Variants in NECAB1 observed in about 807,000 individuals in gnomAD.
NECAB1 encodes N-terminal EF-hand calcium binding protein 1.
Under a neutral mutation model 57.5 loss-of-function variants are expected in NECAB1, and 29 were observed. The ratio of observed to expected loss-of-function variants is 0.50; its 90% CI spans 0.38 to 0.69. The LOEUF (loss-of-function observed/expected upper bound fraction) is 0.69. Ranked by LOEUF, NECAB1 falls within the 30% of genes least tolerant of loss-of-function variation. The pLI is 0.00. For synonymous variants in NECAB1, 142 were observed against 147.7 expected (o/e 0.96, Z 0.28); for missense variants, 372 against 413.8 (o/e 0.90, Z 0.88).
chr8:90,955,376 A>G, intron 12 of NECAB1, 111 bp from the exon 13 acceptor site: 1 of 725,324 alleles, frequency 1.4e-6, no homozygotes, highest in South Asian at 2.0e-5. Flanking sequence ...ATAAGTTATT[A>G]TGCAGACTAA....
At chr8:90,899,251 G>A (rs117568978) in intron 5 of NECAB1, among the ~76,000 whole-genome samples, 278 of 152,254 alleles carry the variant, frequency 1.8e-3, no homozygotes, top group Admixed American at 2.8e-3. Context: ...GCTGGAGATG[G>A]GTAGTTAAGC....
intron 3 of NECAB1, among the ~76,000 whole-genome samples, chr8:90,834,404 C>T (rs1812337634): frequency 6.6e-6 from 1 of 152,058 alleles, no homozygotes; most frequent in South Asian, 2.1e-4. Flanking sequence ...ATGACTAGGT[C>T]ATAAGGATTC....
chr8:90,822,566 A>C (rs1812159118), intron 2 of NECAB1, among the ~76,000 whole-genome samples: 2 of 151,832 alleles, frequency 1.3e-5, no homozygotes, highest in South Asian at 4.1e-4. Context: ...AAAGTCTTTT[A>C]GCCCCAGAGA....
At chr8:90,901,384 A>G (rs1809499985) in intron 5 of NECAB1, among the ~76,000 whole-genome samples, 1 of 152,180 alleles carries the variant, frequency 6.6e-6, no homozygotes, top group African/African-American at 2.4e-5. Context: ...GCACAGTTTT[A>G]TAATCAAGAG....
intron 5 of NECAB1, among the ~76,000 whole-genome samples, chr8:90,888,764 G>A (rs1809075965): frequency 6.6e-6 from 1 of 152,122 alleles, no homozygotes; most frequent in African/African-American, 2.4e-5. Context: ...GCTTCCCCTT[G>A]GCTGCAGGAC....
intron 1 of NECAB1, among the ~76,000 whole-genome samples, chr8:90,797,069 C>G (rs1362472062): frequency 6.6e-6 from 1 of 152,184 alleles, no homozygotes; most frequent in Admixed American, 6.5e-5. Flanking sequence ...TCATGTCTCC[C>G]TGACTCTCAG....
At chr8:90,852,725 C>T (rs143772940) in intron 3 of NECAB1, among the ~76,000 whole-genome samples, 3 of 152,256 alleles carry the variant, frequency 2.0e-5, no homozygotes, top group East Asian at 1.9e-4. Flanking sequence ...AAGAATCTGG[C>T]CAAAGACAGT....
At chr8:90,899,936 C>T (rs1183408570) in intron 5 of NECAB1, among the ~76,000 whole-genome samples, 2 of 152,078 alleles carry the variant, frequency 1.3e-5, no homozygotes, top group African/African-American at 4.8e-5. Context: ...AGAAAGGAAA[C>T]ATTCCTTCCT....
chr8:90,946,725 A>C (rs1298963144), intron 10 of NECAB1, among the ~76,000 whole-genome samples: 1 of 152,188 alleles, frequency 6.6e-6, no homozygotes, highest in African/African-American at 2.4e-5. Flanking sequence ...TCTGATCCTG[A>C]AGATGCAAAT....
At chr8:90,849,017 A>G (rs192513514) in intron 3 of NECAB1, among the ~76,000 whole-genome samples, 1 of 151,988 alleles carries the variant, frequency 6.6e-6, no homozygotes, top group African/African-American at 2.4e-5. Context: ...GCACACAAAA[A>G]CCCACCCCCA....
At chr8:90,838,595 G>A (rs1812407057) in intron 3 of NECAB1, among the ~76,000 whole-genome samples, 1 of 152,128 alleles carries the variant, frequency 6.6e-6, no homozygotes, top group African/African-American at 2.4e-5. Context: ...AGACAGGCCA[G>A]TAAACATAAG....
intron 6 of NECAB1, 79 bp from the exon 7 acceptor site, chr8:90,925,456 T>C (rs1810241338): frequency 6.6e-7 from 1 of 1,517,926 alleles, no homozygotes; most frequent in South Asian, 1.2e-5. Context: ...CCTTTATGAC[T>C]GACGCATGAA....
chr8:90,824,383 A>G (rs1185396415), intron 2 of NECAB1, among the ~76,000 whole-genome samples: 1 of 151,568 alleles, frequency 6.6e-6, no homozygotes, highest in Non-Finnish European at 1.5e-5. Context: ...TAAATAATTG[A>G]CTCTGTGTTG....
chr8:90,801,621 G>C (rs1811759146), intron 1 of NECAB1, 70 bp from the exon 2 acceptor site: 2 of 874,962 alleles, frequency 2.3e-6, no homozygotes, highest in Admixed American at 2.6e-5. Context: ...AATAAATTAT[G>C]TGTAAGTGTA....
chr8:90,848,184 G>T (rs757395118), intron 3 of NECAB1, among the ~76,000 whole-genome samples: 1 of 152,140 alleles, frequency 6.6e-6, no homozygotes, highest in Non-Finnish European at 1.5e-5. Flanking sequence ...TCTAGGGCAG[G>T]GGCAAAATGC....
intron 12 of NECAB1, among the ~76,000 whole-genome samples, chr8:90,953,651 T>C (rs1268962501): frequency 6.6e-6 from 1 of 152,226 alleles, no homozygotes; most frequent in East Asian, 1.9e-4. Context: ...AGCAGGCCTA[T>C]TCCAGTAAGC....
At chr8:90,932,593 A>G (rs539980839) in intron 8 of NECAB1, among the ~76,000 whole-genome samples, 1 of 152,332 alleles carries the variant, frequency 6.6e-6, no homozygotes, top group East Asian at 1.9e-4. Flanking sequence ...GCAGCTATGT[A>G]AAGATTTAGG....
In NECAB1 at chr8:90,957,441, C is replaced by T. The variant is rs1055146; in HGVS notation, c.*1929C>T. 78,405 of 151,476 alleles carry T rather than the reference C, an allele frequency of 0.52. 23,305 individuals are homozygous for T. The highest frequency in any genetic ancestry group is 0.79 in the African/African-American group (32,938 of 41,432). The allele number at this position is 151,476 out of a possible 1,614,324, so 9.4% of individuals were successfully genotyped here. On this transcript the variant is annotated 3_prime_UTR_variant, in exon 13 of 13. Transcript: ENST00000417640. ...GTGGAAGGGATCTGCAGATTCCAAA[C>T]TGGAATAAGCTCTATCATATTCTGA...
chr8:90,928,029 A>C (rs1400697928), intron 7 of NECAB1, among the ~76,000 whole-genome samples, 194 bp from the exon 8 acceptor site: 2 of 152,128 alleles, frequency 1.3e-5, no homozygotes, highest in Non-Finnish European at 2.9e-5. Context: ...AGGCCTGTGG[A>C]AGTGAACCCC....
Sources: allele counts gnomAD v4.1 joint callset (sites outside exome capture counted in the v4.1 genomes callset), GRCh38; gene constraint gnomAD v4.1.1; transcripts MANE v1.5; gene names NCBI Gene and HGNC (gene_info 2026-07-23, HGNC 2026-07-21).